The following SLC24A2 variants were observed in gnomAD, a reference collection of about 807,000 sequenced individuals.
SLC24A2 encodes the protein solute carrier family 24 member 2.
In SLC24A2, 36 loss-of-function variants were observed where a neutral mutation model predicts 62.0. That is an observed-to-expected ratio of 0.58 (90% CI 0.44 to 0.77). The LOEUF (loss-of-function observed/expected upper bound fraction) is 0.77, where lower values mean the gene tolerates loss of function less well. SLC24A2 is among the 30% of genes least tolerant of loss of function. The pLI, the probability that SLC24A2 is intolerant of heterozygous loss-of-function variation, is 0.00. For missense variants in SLC24A2, 846 were observed against 817.9 expected (o/e 1.03, Z -0.42); for synonymous variants, 358 against 294.0 (o/e 1.22, Z -2.23).
the SLC24A2 span, among the ~76,000 whole-genome samples, chr9:20,266,409 A>G: frequency 6.6e-6 from 1 of 152,184 alleles, no homozygotes; most frequent in African/African-American, 2.4e-5. Context: ...CCCAATACCC[A>G]GTCTCTGGGT....
the SLC24A2 span, among the ~76,000 whole-genome samples, chr9:19,873,809 G>A: frequency 3.1e-4 from 47 of 152,204 alleles, no homozygotes; most frequent in Non-Finnish European, 5.1e-4. Flanking sequence ...GCTACAAAAT[G>A]GTCTGACTGA....
At chr9:20,164,984 T>C in the SLC24A2 span, among the ~76,000 whole-genome samples, 1 of 89,300 alleles carries the variant, frequency 1.1e-5, no homozygotes, top group Admixed American at 1.7e-4. Flanking sequence ...GGGACTGTTG[T>C]GGGGTGGGGG....
the SLC24A2 span, among the ~76,000 whole-genome samples, chr9:20,019,319 G>C: frequency 6.6e-6 from 1 of 151,658 alleles, no homozygotes; most frequent in Non-Finnish European, 1.5e-5. Context: ...AAGAAAGTGA[G>C]TGACTTGTTC....
chr9:20,197,969 C>A, the SLC24A2 span, among the ~76,000 whole-genome samples: 1 of 152,204 alleles, frequency 6.6e-6, no homozygotes, highest in Non-Finnish European at 1.5e-5. Flanking sequence ...GACGAGAGGG[C>A]TATCTCCCAA....
rs1564009734 is a variant in SLC24A2, at chr9:19,636,320, TTTCTTTCTTTCTTTCTTTCTTTCTTTC to T, written c.931-14048_931-14022del. Among the ~76,000 whole-genome samples the T allele has an allele frequency of 3.3e-4, 7 of 21,358 alleles. 2 individuals carry two copies. Among genetic ancestry groups the T allele is most frequent in the African/African-American group, 9.5e-4 (6 of 6,296 alleles). 14.0% of individuals were successfully genotyped at this position (21,358 alleles called of 152,430 possible). A position where few individuals can be genotyped will look rare whatever the true frequency, so the allele number is the denominator to read the frequency against. Reference sequence around the variant, plus strand: ...TTTTCTTTTCTTTTCTTTTCTTTTCTTTCTTTCTTTCTTTCTTTCTTTCTTTCTTTCTTTCTTTCTTTCTTTCTTTCT... The same window carrying T: ...TTTTCTTTTCTTTTCTTTTCTTTTCTTTTCTTTCTTTCTTTCTTTCTTTCT... On this transcript the variant is annotated intron_variant, in intron 2 of 10. Transcript: ENST00000341998.
chr9:19,819,896 C>G, the SLC24A2 span, among the ~76,000 whole-genome samples: 1 of 151,208 alleles, frequency 6.6e-6, no homozygotes, highest in African/African-American at 2.4e-5. Context: ...GGAAAAGATA[C>G]TTGCACACAC....
At chr9:20,259,756 A>G in the SLC24A2 span, among the ~76,000 whole-genome samples, 2 of 152,204 alleles carry the variant, frequency 1.3e-5, no homozygotes, top group African/African-American at 4.8e-5. Flanking sequence ...CCCCTCCAAA[A>G]CTTGCGTTAA....
At chr9:20,006,016 T>C in the SLC24A2 span, among the ~76,000 whole-genome samples, 17 of 151,876 alleles carry the variant, frequency 1.1e-4, no homozygotes, top group African/African-American at 2.2e-4. Flanking sequence ...CACATATATA[T>C]GCTTATGTAC....
chr9:20,186,670 T>C, the SLC24A2 span, among the ~76,000 whole-genome samples: 1 of 152,276 alleles, frequency 6.6e-6, no homozygotes, highest in African/African-American at 2.4e-5. Context: ...AAAATATATC[T>C]TTAAGCCTTG....
At chr9:19,946,452 G>A in the SLC24A2 span, among the ~76,000 whole-genome samples, 3 of 152,192 alleles carry the variant, frequency 2.0e-5, no homozygotes, top group Non-Finnish European at 4.4e-5. Context: ...TTAGTGCAAG[G>A]AGAGATCTCT....
At chr9:20,171,615 A>C in the SLC24A2 span, among the ~76,000 whole-genome samples, 5 of 152,192 alleles carry the variant, frequency 3.3e-5, no homozygotes, top group African/African-American at 1.2e-4. Flanking sequence ...GTTTAAAAAG[A>C]CAAAGAAGGA....
At chr9:19,595,922 T>C (rs545265861) in intron 5 of SLC24A2, among the ~76,000 whole-genome samples, 2 of 152,272 alleles carry the variant, frequency 1.3e-5, no homozygotes, top group East Asian at 3.9e-4. Context: ...TCTATCCCCT[T>C]GGTAGCAGGT....
intron 5 of SLC24A2, among the ~76,000 whole-genome samples, chr9:19,590,355 T>C (rs1836514029): frequency 6.6e-6 from 1 of 152,136 alleles, no homozygotes; most frequent in Non-Finnish European, 1.5e-5. Context: ...ACCTTTTTTT[T>C]CTGAAAATTC....
chr9:19,689,161 G>C (rs1226288285), intron 2 of SLC24A2, among the ~76,000 whole-genome samples: 1 of 152,140 alleles, frequency 6.6e-6, no homozygotes. Flanking sequence ...CTGAGGCTGA[G>C]TGAAGTGAAT....
intron 2 of SLC24A2, among the ~76,000 whole-genome samples, chr9:19,782,247 C>A (rs148728731): frequency 6.6e-6 from 1 of 152,112 alleles, no homozygotes. Flanking sequence ...CAAAATGAGC[C>A]GAATGATCTG....
chr9:19,718,248 T>C (rs1820917928), intron 2 of SLC24A2, among the ~76,000 whole-genome samples: 1 of 149,316 alleles, frequency 6.7e-6, no homozygotes, highest in Non-Finnish European at 1.5e-5. Flanking sequence ...GTGCTGGGAT[T>C]ACAGGCTTAA....
At chr9:19,740,529 G>A (rs989637588) in intron 2 of SLC24A2, among the ~76,000 whole-genome samples, 11 of 152,176 alleles carry the variant, frequency 7.2e-5, no homozygotes, top group African/African-American at 2.7e-4. Flanking sequence ...GGTGACAGTG[G>A]CTACTCCTTT....
the SLC24A2 span, among the ~76,000 whole-genome samples, chr9:19,924,613 TCCTTA>T: frequency 6.6e-6 from 1 of 152,186 alleles, no homozygotes. Context: ...GTGTGACTCC[TCCTTA>T]AGAGCAAATA....
chr9:19,631,371 T>C (rs1015288049), intron 2 of SLC24A2, among the ~76,000 whole-genome samples: 9 of 152,204 alleles, frequency 5.9e-5, no homozygotes, highest in African/African-American at 2.2e-4. Flanking sequence ...ATCTGGCATG[T>C]GTGCTCTGAC....
Sources: allele counts gnomAD v4.1 joint callset (sites outside exome capture counted in the v4.1 genomes callset), GRCh38; gene constraint gnomAD v4.1.1; transcripts MANE v1.5; gene names NCBI Gene and HGNC (gene_info 2026-07-23, HGNC 2026-07-21).